Variants in ULK4 observed in about 807,000 individuals in gnomAD.
ULK4 encodes the protein inactive serine/threonine-protein kinase ULK4.
A neutral mutation model predicts 160.6 loss-of-function variants in ULK4; 133 were observed. That is an observed-to-expected ratio of 0.83 (90% confidence interval 0.72 to 0.96). The LOEUF (loss-of-function observed/expected upper bound fraction) is 0.96. ULK4 is among the 40% of genes least tolerant of loss of function. The pLI is 0.00. For missense variants in ULK4, 1,580 were observed against 1,499.5 expected, an observed-to-expected ratio of 1.05 and a Z score of -0.89; for synonymous variants, 534 against 539.8, an observed-to-expected ratio of 0.99 and a Z score of 0.15.
At chr3:41,904,107 T>C (rs1239942778) in intron 12 of ULK4, among the ~76,000 whole-genome samples, 4 of 152,138 alleles carry the variant, frequency 2.6e-5, no homozygotes, top group Non-Finnish European at 5.9e-5. Context: ...TATATATGTT[T>C]TGTAATAGAA....
intron 32 of ULK4, among the ~76,000 whole-genome samples, chr3:41,468,881 A>G (rs537874132): frequency 6.6e-6 from 1 of 152,334 alleles, no homozygotes; most frequent in East Asian, 1.9e-4. Flanking sequence ...ACCAACTGGG[A>G]TTAGGCAGAA....
intron 16 of ULK4, 94 bp downstream of exon 16, chr3:41,895,424 T>C: frequency 1.5e-6 from 1 of 651,014 alleles, no homozygotes; most frequent in Non-Finnish European, 2.4e-6. Context: ...TAATTTATGA[T>C]AATTATTTAG....
At position 41,954,813 on chromosome 3, in the gene ULK4, A is replaced by T. The variant is rs948836777; in HGVS notation, c.-48-6T>A. ...AATAACAGCATCTCTAGCTCCTAAG[A>T]AGTAAACAAAAATGACATTGATAAA... is the stretch of plus-strand genomic sequence containing the variant. On this transcript the variant is annotated splice_polypyrimidine_tract_variant and splice_region_variant and intron_variant, in intron 1 of 36. Coordinates refer to ENST00000301831, the MANE Select transcript of ULK4 (RefSeq NM_017886.4). 1.3e-6 allele frequency: 2 copies of T among 1,517,126 alleles called. No individual in the cohort carries two copies. Among genetic ancestry groups the T allele is most frequent in the Non-Finnish European group, 1.8e-6 (2 of 1,125,958 alleles). 94.0% of individuals were successfully genotyped at this position (1,517,126 alleles called of 1,614,324 possible).
intron 30 of ULK4, among the ~76,000 whole-genome samples, chr3:41,660,756 T>G (rs1346568980): frequency 6.6e-6 from 1 of 152,132 alleles, no homozygotes; most frequent in African/African-American, 2.4e-5. Flanking sequence ...AACGCTGTTT[T>G]TCAAGAAAAG....
rs1553640531 is a variant in ULK4, at chr3:41,300,837, T to TATA, written c.3679-51264_3679-51263insTAT. Among the ~76,000 whole-genome samples, 354 of 57,844 alleles carry TATA rather than the reference T, an allele frequency of 6.1e-3. 32 individuals carry two copies. The highest frequency in any genetic ancestry group is 8.1e-3 in the South Asian group (11 of 1,364). The allele number at this position is 57,844 out of a possible 152,430, so 37.9% of individuals were successfully genotyped here. A position where few individuals can be genotyped will look rare whatever the true frequency, so the allele number is the denominator to read the frequency against. ...GATTAAATTTTGATCATTTTACAGA[T>TATA]TATATATATATATATATATATATAT... On this transcript the variant is annotated intron_variant, in intron 35 of 36. Coordinates refer to ENST00000301831, the MANE Select transcript of ULK4 (RefSeq NM_017886.4).
chr3:41,300,524 T>C (rs1471723842), intron 35 of ULK4, among the ~76,000 whole-genome samples: 1 of 152,146 alleles, frequency 6.6e-6, no homozygotes. Context: ...CACTGGTTTC[T>C]GTATTAAAAT....
intron 22 of ULK4, among the ~76,000 whole-genome samples, chr3:41,750,014 G>T (rs1445104193): frequency 6.6e-6 from 1 of 152,196 alleles, no homozygotes; most frequent in African/African-American, 2.4e-5. Context: ...TCCAAAGACT[G>T]CAAGAACATG....
chr3:41,654,173 C>G (rs2034847144), intron 30 of ULK4, among the ~76,000 whole-genome samples: 1 of 152,300 alleles, frequency 6.6e-6, no homozygotes, highest in East Asian at 1.9e-4. Context: ...GCAAAGATAA[C>G]ATGTATCTAT....
chr3:41,448,347 G>C (rs2083351462), intron 34 of ULK4, among the ~76,000 whole-genome samples: 1 of 152,132 alleles, frequency 6.6e-6, no homozygotes, highest in Non-Finnish European at 1.5e-5. Flanking sequence ...GGAAAAGTCA[G>C]CAAAATGAAA....
At chr3:41,530,135 T>C (rs941147170) in intron 32 of ULK4, among the ~76,000 whole-genome samples, 1 of 152,232 alleles carries the variant, frequency 6.6e-6, no homozygotes, top group African/African-American at 2.4e-5. Context: ...ATGTGAAGTA[T>C]ATCTCAATAA....
At chr3:41,419,899 G>A (rs530093357) in intron 34 of ULK4, among the ~76,000 whole-genome samples, 148 of 151,950 alleles carry the variant, frequency 9.7e-4, no homozygotes, top group Admixed American at 2.0e-3. Context: ...ACTGCCCACC[G>A]CCACTGTGAC....
intron 22 of ULK4, among the ~76,000 whole-genome samples, chr3:41,741,622 G>A (rs1169474002): frequency 6.6e-6 from 1 of 151,930 alleles, no homozygotes; most frequent in East Asian, 1.9e-4. Flanking sequence ...AAAGCAATGT[G>A]TATTGTTAAT....
chr3:41,694,264 G>C (rs747373385), intron 27 of ULK4, among the ~76,000 whole-genome samples: 1 of 152,200 alleles, frequency 6.6e-6, no homozygotes, highest in South Asian at 2.1e-4. Flanking sequence ...AGATAGGCAC[G>C]TGTATGTAAG....
At chr3:41,296,094 C>T (rs2079662104) in intron 35 of ULK4, among the ~76,000 whole-genome samples, 2 of 152,158 alleles carry the variant, frequency 1.3e-5, no homozygotes, top group African/African-American at 4.8e-5. Flanking sequence ...GCTATCAAGC[C>T]ATGAAAAGTG....
intron 32 of ULK4, among the ~76,000 whole-genome samples, chr3:41,464,255 G>A (rs890416151): frequency 3.9e-5 from 6 of 152,000 alleles, no homozygotes; most frequent in African/African-American, 1.2e-4. Context: ...TGACAAATGC[G>A]AAATTATCAC....
chr3:41,492,785 C>T (rs2084833964), intron 32 of ULK4, among the ~76,000 whole-genome samples: 1 of 148,946 alleles, frequency 6.7e-6, no homozygotes, highest in South Asian at 2.2e-4. Context: ...ATCCTAGTCT[C>T]TGATAAAACA....
At chr3:41,679,885 GT>G (rs1217385134) in intron 29 of ULK4, among the ~76,000 whole-genome samples, 21 of 151,992 alleles carry the variant, frequency 1.4e-4, no homozygotes, top group Admixed American at 9.2e-4. Context: ...TTTTGTTTTT[GT>G]TTTTTTCTTG....
chr3:41,670,665 T>C (rs961360168), intron 29 of ULK4, among the ~76,000 whole-genome samples: 1 of 152,076 alleles, frequency 6.6e-6, no homozygotes, highest in African/African-American at 2.4e-5. Flanking sequence ...GAAATGTAGG[T>C]ACTTCAAAAT....
Position 41,362,098 on chromosome 3 carries a change from T to C in ULK4, c.3678+35981A>G, listed in dbSNP as rs142216933. ...ACCTCAATTAACCAGAAGAGCCCACTTTTCAGTTGTGTCAGACAGCACAGG... is the reference window on the plus strand; with the variant it reads ...ACCTCAATTAACCAGAAGAGCCCACCTTTCAGTTGTGTCAGACAGCACAGG... On this transcript the variant is annotated intron_variant, in intron 35 of 36. Transcript: ENST00000301831. Among the ~76,000 whole-genome samples, 47 of 152,324 alleles carry C rather than the reference T, an allele frequency of 3.1e-4. No homozygotes were observed. In the East Asian group the frequency reaches 7.1e-3, roughly 23 times the overall value.
Sources: gnomAD v4.1 joint callset for allele counts (sites outside exome capture counted in the v4.1 genomes callset) on GRCh38, gnomAD v4.1.1 for gene constraint, MANE v1.5 for transcripts, NCBI Gene and HGNC (gene_info 2026-07-23, HGNC 2026-07-21) for gene names.